Variants in CDK12 observed in about 807,000 individuals in gnomAD.
CDK12 encodes the protein cyclin dependent kinase 12.
A neutral mutation model predicts 133.8 loss-of-function variants in CDK12; 17 were observed. The ratio of observed to expected loss-of-function variants is 0.13; its 90% CI spans 0.09 to 0.19. The LOEUF (loss-of-function observed/expected upper bound fraction) is 0.19. CDK12 is among the 10% of genes least tolerant of loss of function. The pLI is 1.00. For missense variants in CDK12, 1,508 were observed against 1,818.7 expected (o/e 0.83, Z 3.11); for synonymous variants, 694 against 683.6 (o/e 1.02, Z -0.24).
intron 2 of CDK12, among the ~76,000 whole-genome samples, chr17:39,477,629 G>A (rs2050318481): frequency 6.7e-6 from 1 of 149,244 alleles, no homozygotes; most frequent in Non-Finnish European, 1.5e-5. Context: ...CTGGAGTGCA[G>A]TGGCTCGATC....
chr17:39,538,477 G>A (rs1247697469), downstream of CDK12, among the ~76,000 whole-genome samples: 3 of 152,236 alleles, frequency 2.0e-5, no homozygotes, highest in Non-Finnish European at 4.4e-5. Flanking sequence ...ATGGTGTTGC[G>A]AGAAAGAAGG....
At chr17:39,482,598 C>CCTTTTTTTT (rs1440834572) in intron 2 of CDK12, among the ~76,000 whole-genome samples, 1 of 53,518 alleles carries the variant, frequency 1.9e-5, no homozygotes, top group Admixed American at 2.1e-4. Flanking sequence ...CAATCAACTA[C>CCTTTTTTTT]ATTTTTTTTT....
intron 3 of CDK12, among the ~76,000 whole-genome samples, chr17:39,491,603 A>G (rs537722334): frequency 1.3e-5 from 2 of 151,960 alleles, no homozygotes; most frequent in African/African-American, 4.8e-5. Flanking sequence ...GCCATACCTG[A>G]GAGAGTTCAG....
chr17:39,461,634 C>A lies in CDK12; in HGVS notation c.-438C>A. 1 of 271,142 alleles carries A rather than the reference C, an allele frequency of 3.7e-6. No individual in the cohort carries two copies. Among genetic ancestry groups the A allele is most frequent in the Non-Finnish European group, 7.2e-6 (1 of 139,570 alleles). 16.8% of individuals were successfully genotyped at this position (271,142 alleles called of 1,614,324 possible). A position where few individuals can be genotyped will look rare whatever the true frequency, so the allele number is the denominator to read the frequency against. On this transcript the variant is annotated 5_prime_UTR_variant, in exon 1 of 14. Transcript: ENST00000447079. ...GTGAGGCACCTAGGCCGCGGCACCC[C>A]GGCGACAGGAAGCCGTCCTGAACCG...
chr17:39,472,950 C>T (rs889350272), intron 2 of CDK12, among the ~76,000 whole-genome samples: 9 of 151,960 alleles, frequency 5.9e-5, no homozygotes, highest in African/African-American at 2.2e-4. Context: ...GTGGCAGGCA[C>T]CTGTAGTCCC....
In CDK12 at chr17:39,534,492, T is replaced by C. The variant is rs1467393403; in HGVS notation, c.*3176T>C. 4 of 232,424 alleles carry C rather than the reference T, an allele frequency of 1.7e-5. No homozygotes were observed. The highest frequency in any genetic ancestry group is 3.4e-5 in the Non-Finnish European group (4 of 117,598). 14.4% of individuals were successfully genotyped at this position (232,424 alleles called of 1,614,324 possible). Reference sequence around the variant, plus strand: ...AATATATTAAATTTTTTTCTTTCAGTTTATAAAAATGGAAAGTGGAGATTG... The same window carrying C: ...AATATATTAAATTTTTTTCTTTCAGCTTATAAAAATGGAAAGTGGAGATTG... On this transcript the variant is annotated 3_prime_UTR_variant, in exon 14 of 14. Coordinates refer to ENST00000447079, the MANE Select transcript of CDK12 (RefSeq NM_016507.4).
intron 8 of CDK12, among the ~76,000 whole-genome samples, chr17:39,514,359 T>G (rs1427330707): frequency 6.6e-6 from 1 of 152,204 alleles, no homozygotes; most frequent in Non-Finnish European, 1.5e-5. Context: ...TCAAATTAAG[T>G]CAAACTAAAG....
chr17:39,491,066 G>A (rs1444756111), intron 3 of CDK12, among the ~76,000 whole-genome samples: 1 of 152,024 alleles, frequency 6.6e-6, no homozygotes, highest in African/African-American at 2.4e-5. Flanking sequence ...TGTCAATCGT[G>A]TACACATTAA....
Position 39,466,064 on chromosome 17 carries a change from T to C in CDK12, c.1046+2947T>C, listed in dbSNP as rs149789186. 5.0e-3 allele frequency among the ~76,000 whole-genome samples: 755 copies of C among 152,082 alleles called. 6 individuals carry two copies. The highest frequency in any genetic ancestry group is 6.2e-3 in the South Asian group (30 of 4,818). ...GCTTATGCCTATAATCCCAAGCACT[T>C]TGGGAGGCCAAGGCGGGCAGATCTC... is the stretch of plus-strand genomic sequence containing the variant. On this transcript the variant is annotated intron_variant, in intron 1 of 13. Transcript: ENST00000447079.
Position 39,471,625 on chromosome 17 carries a change from A to G in CDK12, c.1793A>G (p.Gln598Arg). The G allele has an allele frequency of 6.2e-7, 1 of 1,614,160 alleles. No homozygotes were observed. The highest frequency in any genetic ancestry group is 1.1e-5 in the South Asian group (1 of 91,078). The change falls in exon 2 of 14, where the codon CAG becomes CGG. Residue 598 changes from glutamine to arginine, a missense_variant. This residue lies in a region of CDK12 where 347 missense variants were observed against 330.8 expected (regional missense o/e 1.05). Transcript: ENST00000447079. ...THSKTSAVSS[Q>R]ANSQPPVQVS... Reference sequence around the variant, plus strand: ...TCAAAGACATCTGCTGTGTCCTCTCAGGCAAATTCTCAGCCCCCTGTACAG... The same window carrying G: ...TCAAAGACATCTGCTGTGTCCTCTCGGGCAAATTCTCAGCCCCCTGTACAG...
intron 11 of CDK12, among the ~76,000 whole-genome samples, chr17:39,524,038 TAGAG>T (rs1280648730): frequency 6.6e-6 from 1 of 152,184 alleles, no homozygotes; most frequent in Non-Finnish European, 1.5e-5. Flanking sequence ...ACTCCTATTA[TAGAG>T]AGATTTATAG....
intron 8 of CDK12, among the ~76,000 whole-genome samples, chr17:39,513,074 T>C (rs2053592078): frequency 1.3e-5 from 2 of 152,212 alleles, no homozygotes. Context: ...GTCCTGTTCA[T>C]TTCCTGCCCC....
rs757852555 is a variant in CDK12 at position 39,462,732 on chromosome 17, A to C, written c.661A>C (p.Arg221=). The C allele has an allele frequency of 3.7e-6, 6 of 1,614,186 alleles. No individual in the cohort carries two copies. The Admixed American group carries it at 6.7e-5, about 18-fold the overall frequency. ...AGTGGACAGCCCAAAACGGAGATCC[A>C]GGAGCCCCCACAGGAAGTGGTCTGA... is the stretch of plus-strand genomic sequence containing the variant. ...KTVDSPKRRS[R]SPHRKWSDSS... Residue 221 remains arginine (R), a synonymous_variant, in exon 1 of 14, where the codon AGG becomes CGG. Coordinates refer to ENST00000447079, the MANE Select transcript of CDK12 (RefSeq NM_016507.4).
Position 39,530,908 on chromosome 17 carries a change from A to G in CDK12, c.4065A>G (p.Glu1355=). The G allele has an allele frequency of 6.2e-7, 1 of 1,614,184 alleles. No homozygotes were observed. The highest frequency in any genetic ancestry group is 8.5e-7 in the Non-Finnish European group (1 of 1,180,022). The change falls in exon 14 of 14, where the codon GAA becomes GAG. Residue 1355 remains glutamate, a synonymous_variant. Coordinates refer to ENST00000447079, the MANE Select transcript of CDK12 (RefSeq NM_016507.4). ...GGTTCAGTGCCATTGACACTGATGA[A>G]CGAAACTCTGGTCCAGCCTTGACAG... is the stretch of plus-strand genomic sequence containing the variant. ...ETGFSAIDTD[E]RNSGPALTES...
intron 2 of CDK12, among the ~76,000 whole-genome samples, chr17:39,487,880 G>C (rs760152459): frequency 6.6e-6 from 1 of 151,978 alleles, no homozygotes; most frequent in African/African-American, 2.4e-5. Flanking sequence ...CTCCCAAAGT[G>C]TTGGTATTAC....
chr17:39,527,794 G>A (rs2054580733), intron 13 of CDK12, among the ~76,000 whole-genome samples: 3 of 152,148 alleles, frequency 2.0e-5, no homozygotes, highest in African/African-American at 7.2e-5. Flanking sequence ...TGATCTGCCC[G>A]CCTCAGCCTC....
chr17:39,472,016 C>G (rs1000763983), intron 2 of CDK12, among the ~76,000 whole-genome samples: 3 of 152,088 alleles, frequency 2.0e-5, no homozygotes, highest in Non-Finnish European at 4.4e-5. Context: ...CATGGTCTTG[C>G]TCTGTCGCCC....
Position 39,501,329 on chromosome 17 carries a change from G to C in CDK12, c.2499G>C (p.Glu833Asp), listed in dbSNP as rs1183411427. The C allele has an allele frequency of 4.3e-6, 7 of 1,613,360 alleles. No homozygotes were observed. The highest frequency in any genetic ancestry group is 5.9e-6 in the Non-Finnish European group (7 of 1,179,780). Reference protein sequence around the residue: ...LLESGLVHFSEDHIKSFMKQL... With the variant: ...LLESGLVHFSDDHIKSFMKQL... ...AATCTGGTTTGGTGCACTTTTCTGA[G>C]GACCATATCAAGTCGTTCATGAAAC... Residue 833 changes from glutamate (E) to aspartate (D), a missense_variant, in exon 6 of 14, where the codon GAG (glutamate) becomes GAC (aspartate). Transcript: ENST00000447079.
At chr17:39,550,569 A>C (rs1269542829) in intron 1 of CDK12, 1 of 152,248 alleles carries the variant, frequency 6.6e-6, no homozygotes, top group East Asian at 1.9e-4. Flanking sequence ...AGAGCTATGG[A>C]CCATAGAACC....
Sources: gnomAD v4.1 joint callset for allele counts (sites outside exome capture counted in the v4.1 genomes callset) on GRCh38, gnomAD v4.1.1 for gene constraint, gnomAD v4.1.1 regional missense constraint, MANE v1.5 for transcripts, NCBI Gene and HGNC (gene_info 2026-07-23, HGNC 2026-07-21) for gene names.